The following IMPG1 variants were observed in gnomAD, a reference collection of about 807,000 sequenced individuals.
IMPG1 encodes interphotoreceptor matrix proteoglycan 1.
Under a neutral mutation model 92.0 loss-of-function variants are expected in IMPG1, and 85 were observed. The ratio of observed to expected loss-of-function variants is 0.92; its 90% CI spans 0.78 to 1.11. The LOEUF is 1.11. Among genes scored for constraint, IMPG1 ranks in the 50% least tolerant of loss-of-function variants. IMPG1 has a pLI of 0.00. For missense variants in IMPG1, 1,022 were observed against 956.0 expected, an observed-to-expected ratio of 1.07 and a Z score of -0.91; for synonymous variants, 367 against 334.1, an observed-to-expected ratio of 1.10 and a Z score of -1.08.
intron 12 of IMPG1, among the ~76,000 whole-genome samples, chr6:75,980,417 C>A (rs753943648): frequency 6.6e-6 from 1 of 152,100 alleles, no homozygotes; most frequent in Non-Finnish European, 1.5e-5. Context: ...TGCAAAGCAT[C>A]GTTCCTGGGT....
intron 2 of IMPG1, among the ~76,000 whole-genome samples, chr6:76,035,598 C>G (rs995937709): frequency 6.6e-6 from 1 of 151,852 alleles, no homozygotes; most frequent in African/African-American, 2.4e-5. Context: ...GAGTGCAGGT[C>G]CCCTGGCTGT....
At chr6:76,003,389 A>G (rs1783034057) in intron 11 of IMPG1, among the ~76,000 whole-genome samples, 2 of 152,266 alleles carry the variant, frequency 1.3e-5, no homozygotes, top group African/African-American at 4.8e-5. Context: ...TAAATTAAAT[A>G]CAAAAATTAT....
At chr6:76,038,429 C>T (rs1276451761) in intron 2 of IMPG1, among the ~76,000 whole-genome samples, 2 of 152,024 alleles carry the variant, frequency 1.3e-5, no homozygotes, top group African/African-American at 4.8e-5. Flanking sequence ...TGTGGCTCCT[C>T]TGATGTTATT....
chr6:76,052,221 G>T (rs1054538648), intron 1 of IMPG1, among the ~76,000 whole-genome samples: 4 of 152,132 alleles, frequency 2.6e-5, no homozygotes, highest in Non-Finnish European at 5.9e-5. Flanking sequence ...GAAGAGGTAG[G>T]AGTCTAGCAG....
rs1478947123 is a variant in IMPG1 at position 76,005,460 on chromosome 6, T to G, written c.962A>C (p.Asp321Ala). Residue 321 changes from aspartate (D) to alanine (A), a missense_variant, in exon 10 of 17, where the codon GAC becomes GCC. Asp to Ala is a moderately radical substitution (Grantham distance 126). This residue lies in a region of IMPG1 where 681 missense variants were observed against 583.6 expected (regional missense o/e 1.17). Coordinates refer to ENST00000369950, the MANE Select transcript of IMPG1 (RefSeq NM_001563.4). ...HSAEAKSPAS[D>A]LLSFDSNKIE... The stretch of plus-strand genomic sequence containing the variant: ...TTTGTTGGAATCAAAAGACAGGAGG[T>G]CACTTGCAGGGCTTTTTGCTTCTGC... 4 of 1,613,696 alleles carry G rather than the reference T, an allele frequency of 2.5e-6. No homozygotes were observed. In the South Asian group the frequency reaches 4.4e-5, roughly 18 times the overall value.
At chr6:75,950,449 G>C (rs1222836104) in intron 13 of IMPG1, 113 bp downstream of exon 13, 2 of 913,632 alleles carry the variant, frequency 2.2e-6, no homozygotes, top group Non-Finnish European at 3.2e-6. Context: ...AGCTGGCTTG[G>C]CGGTTTGTTT....
At chr6:75,927,516 C>G (rs191294365) in intron 15 of IMPG1, among the ~76,000 whole-genome samples, 2 of 152,096 alleles carry the variant, frequency 1.3e-5, no homozygotes, top group Non-Finnish European at 2.9e-5. Context: ...CACAAGGGAC[C>G]CTCAGAGCAC....
chr6:76,017,436 G>A (rs1017534347), intron 7 of IMPG1, among the ~76,000 whole-genome samples: 2 of 152,092 alleles, frequency 1.3e-5, no homozygotes, highest in Non-Finnish European at 2.9e-5. Flanking sequence ...TCTTTAAATT[G>A]CATCAAACTG....
rs747566653 is a variant in IMPG1, at chr6:76,038,911, C to T, written c.301+2982G>A. On this transcript the variant is annotated intron_variant, in intron 2 of 16. Transcript: ENST00000369950. ...AAGTCCTGGCCTGCAGACAGTTATT[C>T]GCAATTAGTATTGTTAGACCAATGG... is the stretch of plus-strand genomic sequence containing the variant. Among the ~76,000 whole-genome samples, 9 of 152,310 alleles carry T rather than the reference C, an allele frequency of 5.9e-5. No homozygotes were observed. The South Asian group carries it at 8.3e-4, about 14-fold the overall frequency.
intron 7 of IMPG1, among the ~76,000 whole-genome samples, chr6:76,011,682 C>T (rs1783187240): frequency 6.7e-6 from 1 of 150,374 alleles, no homozygotes; most frequent in African/African-American, 2.4e-5. Flanking sequence ...TGCGCTGCAC[C>T]CACTAACTCG....
Position 75,976,873 on chromosome 6 carries a change from C to T in IMPG1, c.1292-25779G>A, listed in dbSNP as rs143141294. Among the ~76,000 whole-genome samples the T allele has an allele frequency of 2.8e-3, 425 of 150,648 alleles. 4 individuals carry two copies. The highest frequency in any genetic ancestry group is 0.01 in the African/African-American group (411 of 40,930). On this transcript the variant is annotated intron_variant, in intron 12 of 16. Transcript: ENST00000369950. ...CTTGCAGTGAACTGAGATTGTGCCA[C>T]TGCACTCCAGTCTGGCAGACAGTAA...
chr6:75,967,021 T>G (rs1005390475), intron 12 of IMPG1, among the ~76,000 whole-genome samples: 2 of 151,938 alleles, frequency 1.3e-5, no homozygotes, highest in Non-Finnish European at 2.9e-5. Context: ...CTACTAAAAA[T>G]ACAAAAAATT....
chr6:76,021,778 C>CATATATATATATATATATATATAT lies in IMPG1; in HGVS notation c.666+314_666+337dup, dbSNP rs140827081. Among the ~76,000 whole-genome samples, 90 of 49,468 alleles carry CATATATATATATATATATATATAT rather than the reference C, an allele frequency of 1.8e-3. 8 individuals are homozygous for CATATATATATATATATATATATAT. Among genetic ancestry groups the CATATATATATATATATATATATAT allele is most frequent in the Non-Finnish European group, 2.2e-3 (61 of 27,294 alleles). The allele number at this position is 49,468 out of a possible 152,430, so 32.5% of individuals were successfully genotyped here. On this transcript the variant is annotated intron_variant, in intron 6 of 16. Coordinates refer to ENST00000369950, the MANE Select transcript of IMPG1 (RefSeq NM_001563.4). Reference sequence around the variant, plus strand: ...TTCATTCATTCTAACACTTGGAGAGCATATATATATATATATATATATATG... The same window carrying CATATATATATATATATATATATAT: ...TTCATTCATTCTAACACTTGGAGAGCATATATATATATATATATATATATATATATATATATATATATATATATG...
At chr6:75,936,840 G>A (rs752180105) in intron 14 of IMPG1, among the ~76,000 whole-genome samples, 3 of 152,218 alleles carry the variant, frequency 2.0e-5, no homozygotes, top group Non-Finnish European at 4.4e-5. Flanking sequence ...AGGCCCTGCA[G>A]CTGGGCTAAG....
At chr6:76,007,298 G>A (rs1312762846) in intron 9 of IMPG1, among the ~76,000 whole-genome samples, 182 bp downstream of exon 9, 1 of 150,274 alleles carries the variant, frequency 6.7e-6, no homozygotes, top group African/African-American at 2.4e-5. Context: ...ACTTTGATAA[G>A]AGAATTTTTT....
chr6:76,024,914 A>G, intron 5 of IMPG1: 1 of 496,838 alleles, frequency 2.0e-6, no homozygotes, highest in Non-Finnish European at 3.9e-6. Context: ...ATATGTGTAT[A>G]TAATAGAAGA....
At position 75,988,955 on chromosome 6, in the gene IMPG1, A is replaced by G. The variant is rs115129758; in HGVS notation, c.1291+13963T>C. ...CCTCTTCTGTTGCCCTTCACATCCA[A>G]TGATTGAAATAAATGTTTCCCACCA... On this transcript the variant is annotated intron_variant, in intron 12 of 16. Coordinates refer to ENST00000369950, the MANE Select transcript of IMPG1 (RefSeq NM_001563.4). Among the ~76,000 whole-genome samples the G allele has an allele frequency of 1.8e-3, 268 of 152,258 alleles. 3 individuals carry two copies. The highest frequency in any genetic ancestry group is 6.2e-3 in the African/African-American group (259 of 41,560).
intron 14 of IMPG1, among the ~76,000 whole-genome samples, chr6:75,943,554 G>A (rs1781872292): frequency 6.6e-6 from 1 of 152,188 alleles, no homozygotes; most frequent in African/African-American, 2.4e-5. Flanking sequence ...GCTGGTGCCT[G>A]CGGAAAGATG....
intron 12 of IMPG1, among the ~76,000 whole-genome samples, chr6:75,990,619 A>G (rs1009264072): frequency 9.3e-5 from 14 of 150,232 alleles, no homozygotes; most frequent in Non-Finnish European, 1.9e-4. Flanking sequence ...ACACACACAC[A>G]CATACACAAT....
Sources: allele counts gnomAD v4.1 joint callset (sites outside exome capture counted in the v4.1 genomes callset), GRCh38; gene constraint gnomAD v4.1.1; regional missense constraint gnomAD v4.1.1; transcripts MANE v1.5; gene names NCBI Gene and HGNC (gene_info 2026-07-23, HGNC 2026-07-21).